ULK4: variants seen among roughly 807,000 people sequenced by gnomAD.
ULK4 encodes the protein unc-51 like kinase 4.
Under a neutral mutation model 160.6 loss-of-function variants are expected in ULK4, and 133 were observed. The ratio of observed to expected loss-of-function variants is 0.83; its 90% CI spans 0.72 to 0.96. The LOEUF is 0.96. Among genes scored for constraint, ULK4 ranks in the 40% least tolerant of loss-of-function variants. ULK4 has a pLI of 0.00. For missense variants in ULK4, 1,580 were observed against 1,499.5 expected (o/e 1.05, Z -0.89); for synonymous variants, 534 against 539.8 (o/e 0.99, Z 0.15).
At chr3:41,849,183 G>T (rs990698222) in intron 17 of ULK4, among the ~76,000 whole-genome samples, 3 of 152,226 alleles carry the variant, frequency 2.0e-5, no homozygotes, top group Non-Finnish European at 4.4e-5. Flanking sequence ...TATCCTGACT[G>T]ACAGATAACC....
At chr3:41,380,214 G>A (rs1018881886) in intron 35 of ULK4, among the ~76,000 whole-genome samples, 10 of 152,054 alleles carry the variant, frequency 6.6e-5, no homozygotes, top group Non-Finnish European at 1.5e-4. Context: ...CAAAAGACAG[G>A]CAATTCAAAA....
chr3:41,283,737 TA>T (rs1176365341), intron 35 of ULK4, among the ~76,000 whole-genome samples: 1 of 151,836 alleles, frequency 6.6e-6, no homozygotes, highest in African/African-American at 2.4e-5. Context: ...GGCACATGTA[TA>T]CCTATGGAAC....
At chr3:41,676,235 C>T (rs1404249257) in intron 29 of ULK4, among the ~76,000 whole-genome samples, 2 of 152,148 alleles carry the variant, frequency 1.3e-5, no homozygotes. Flanking sequence ...TATATTAATA[C>T]TTAGAATCTA....
chr3:41,746,272 C>CAA (rs34582395), intron 22 of ULK4, among the ~76,000 whole-genome samples: 979 of 44,436 alleles, frequency 0.022, 7 homozygotes, highest in Non-Finnish European at 0.028. Flanking sequence ...CTGGAACCCA[C>CAA]AAAAAAAAAA....
chr3:41,949,048 C>T (rs1013119512), intron 2 of ULK4, among the ~76,000 whole-genome samples: 3 of 151,672 alleles, frequency 2.0e-5, no homozygotes, highest in African/African-American at 7.3e-5. Context: ...GGTTCAGGCC[C>T]GTAATCCCAG....
At chr3:41,804,752 T>C (rs556485065) in intron 19 of ULK4, among the ~76,000 whole-genome samples, 4 of 152,340 alleles carry the variant, frequency 2.6e-5, no homozygotes, top group Admixed American at 2.0e-4. Context: ...GCTTTCCCCA[T>C]TGCTTGTTTT....
chr3:41,928,581 T>A (rs1575966824), intron 5 of ULK4, among the ~76,000 whole-genome samples: 9 of 136,524 alleles, frequency 6.6e-5, no homozygotes, highest in Admixed American at 1.5e-4. Context: ...TTTTAAATGA[T>A]CAACAAAATA....
At chr3:41,786,100 C>T (rs1004529427) in intron 21 of ULK4, among the ~76,000 whole-genome samples, 1 of 152,194 alleles carries the variant, frequency 6.6e-6, no homozygotes, top group Admixed American at 6.5e-5. Context: ...CACACTGCCC[C>T]TAACAGTCAC....
At chr3:41,473,472 G>C (rs905896877) in intron 32 of ULK4, among the ~76,000 whole-genome samples, 2 of 151,840 alleles carry the variant, frequency 1.3e-5, no homozygotes, top group Admixed American at 1.3e-4. Flanking sequence ...GACCAGCCTG[G>C]CCAACATGGT....
chr3:41,249,172 C>A (rs1165742158), intron 36 of ULK4, among the ~76,000 whole-genome samples: 1 of 152,192 alleles, frequency 6.6e-6, no homozygotes, highest in East Asian at 1.9e-4. Flanking sequence ...AGGTTCCTTG[C>A]ATCTCCCACT....
intron 27 of ULK4, among the ~76,000 whole-genome samples, chr3:41,682,114 A>G (rs1241493026): frequency 6.6e-6 from 1 of 152,260 alleles, no homozygotes; most frequent in East Asian, 1.9e-4. Context: ...GCATTAAACC[A>G]TCAAATTAGT....
intron 35 of ULK4, among the ~76,000 whole-genome samples, chr3:41,274,802 C>A (rs2079201836): frequency 6.6e-6 from 1 of 152,182 alleles, no homozygotes; most frequent in Admixed American, 6.5e-5. Flanking sequence ...CTCCAATTTG[C>A]TGGCATTTCT....
chr3:41,715,639 T>C, intron 23 of ULK4, 71 bp from the exon 24 acceptor site: 1 of 1,593,916 alleles, frequency 6.3e-7, no homozygotes, highest in South Asian at 1.1e-5. Context: ...TGGTCATTGC[T>C]TGAATACCCA....
intron 25 of ULK4, among the ~76,000 whole-genome samples, chr3:41,706,912 G>A (rs1161108265): frequency 1.3e-5 from 2 of 148,198 alleles, no homozygotes; most frequent in Non-Finnish European, 3.0e-5. Flanking sequence ...GAGAGAGAGA[G>A]AGAATAGAAT....
intron 35 of ULK4, among the ~76,000 whole-genome samples, chr3:41,362,649 T>C (rs1211468051): frequency 6.6e-6 from 1 of 152,228 alleles, no homozygotes; most frequent in East Asian, 1.9e-4. Flanking sequence ...TAGGTTGTTC[T>C]AATATTATCC....
chr3:41,358,388 AAC>A (rs1207788739), intron 35 of ULK4, among the ~76,000 whole-genome samples: 1 of 152,210 alleles, frequency 6.6e-6, no homozygotes, highest in Non-Finnish European at 1.5e-5. Flanking sequence ...AAATAGGCAA[AAC>A]ACAATAAGAA....
At chr3:41,348,381 T>C (rs1399535300) in intron 35 of ULK4, among the ~76,000 whole-genome samples, 2 of 152,140 alleles carry the variant, frequency 1.3e-5, no homozygotes, top group Non-Finnish European at 2.9e-5. Context: ...AGGTAAAGGC[T>C]GTCATTTAGT....
chr3:41,789,901 T>C (rs1300217564), intron 20 of ULK4, 58 bp from the exon 21 acceptor site: 2 of 1,399,014 alleles, frequency 1.4e-6, no homozygotes, highest in Non-Finnish European at 9.5e-7. Flanking sequence ...ATCATTCCCC[T>C]GAAAGGTAAC....
chr3:41,506,780 A>ATAAATATATATATATATATT (rs2085403618), intron 32 of ULK4, among the ~76,000 whole-genome samples: 1 of 85,178 alleles, frequency 1.2e-5, no homozygotes, highest in African/African-American at 5.0e-5. Context: ...ATATATATAT[A>ATAAATATATATATATATATT]TATATATATA....
Sources: allele counts gnomAD v4.1 joint callset (sites outside exome capture counted in the v4.1 genomes callset), GRCh38; gene constraint gnomAD v4.1.1; transcripts MANE v1.5; gene names NCBI Gene and HGNC (gene_info 2026-07-23, HGNC 2026-07-21).